The following FANCL variants were observed in gnomAD, a reference collection of about 807,000 sequenced individuals.
FANCL encodes the protein FA complementation group L, also known as E3 ubiquitin-protein ligase FANCL.
In FANCL, 69 loss-of-function variants were observed where a neutral mutation model predicts 59.4. The observed-to-expected ratio is 1.16, with a 90% CI of 0.96 to 1.42. FANCL has a LOEUF of 1.42. FANCL is among the 40% of genes most tolerant of loss of function. The pLI, the probability that FANCL is intolerant of heterozygous loss-of-function variation, is 0.00. For synonymous variants in FANCL, 180 were observed against 147.1 expected (o/e 1.22, Z -1.62); for missense variants, 519 against 447.2 (o/e 1.16, Z -1.45).
chr2:58,238,166 A>AT lies in FANCL; in HGVS notation c.96+3051dup, dbSNP rs547640236. On this transcript the variant is annotated intron_variant, in intron 1 of 13. Coordinates refer to ENST00000233741, the MANE Select transcript of FANCL (RefSeq NM_018062.4). ...TTAAAACATTATGGGATTTTTTGTG[A>AT]TTTTTTTTTAGCTTATCAGCTATCA... Among the ~76,000 whole-genome samples, 366 of 151,558 alleles carry AT rather than the reference A, an allele frequency of 2.4e-3. 1 individual carries two copies. The Middle Eastern group carries it at 0.031, about 13-fold the overall frequency.
chr2:58,231,967 C>G (rs1436012489), intron 2 of FANCL, 87 bp downstream of exon 2: 1 of 1,122,388 alleles, frequency 8.9e-7, no homozygotes, highest in African/African-American at 1.5e-5. Flanking sequence ...AGGCAAAACT[C>G]TAGTCACTAG....
intron 7 of FANCL, among the ~76,000 whole-genome samples, chr2:58,177,789 G>T (rs1462488757): frequency 2.2e-5 from 3 of 138,420 alleles, no homozygotes; most frequent in Non-Finnish European, 4.7e-5. Context: ...AAATAAAAAA[G>T]ATTAAAAAAA....
chr2:58,159,405 A>G lies in FANCL; in HGVS notation c.*360T>C, dbSNP rs755632860. 6.8e-6 allele frequency: 11 copies of G among 1,613,452 alleles called. No homozygotes were observed. In the African/African-American group the frequency reaches 9.3e-5, roughly 14 times the overall value. ...AGTCTCAAGAACCTTTGAATGAAGT[A>G]AACAGTTTCCCACAAAAAATCAGCT... On this transcript the variant is annotated 3_prime_UTR_variant, in exon 14 of 14. Transcript: ENST00000233741.
intron 1 of FANCL, among the ~76,000 whole-genome samples, chr2:58,232,323 T>C (rs1402540024): frequency 1.3e-5 from 2 of 152,134 alleles, no homozygotes; most frequent in Non-Finnish European, 2.9e-5. Flanking sequence ...AACTTTGTAG[T>C]TACTGGGAAA....
At chr2:58,177,365 A>T (rs1440480081) in intron 7 of FANCL, among the ~76,000 whole-genome samples, 1 of 152,162 alleles carries the variant, frequency 6.6e-6, no homozygotes, top group Non-Finnish European at 1.5e-5. Context: ...ACAACAGCAA[A>T]GACTTGGAAC....
At chr2:58,218,987 A>G (rs1466468128) in intron 5 of FANCL, among the ~76,000 whole-genome samples, 1 of 150,640 alleles carries the variant, frequency 6.6e-6, no homozygotes, top group African/African-American at 2.4e-5. Flanking sequence ...ACAACAACAC[A>G]CCAATAGCAA....
intron 7 of FANCL, among the ~76,000 whole-genome samples, chr2:58,191,116 C>T (rs1490700728): frequency 6.6e-6 from 1 of 151,322 alleles, no homozygotes; most frequent in Non-Finnish European, 1.5e-5. Flanking sequence ...TCCAAATTAG[C>T]CCCTGGATTA....
intron 7 of FANCL, among the ~76,000 whole-genome samples, chr2:58,193,877 G>A (rs1422175850): frequency 1.3e-5 from 2 of 152,142 alleles, no homozygotes; most frequent in African/African-American, 2.4e-5. Flanking sequence ...CTGAGGCAAA[G>A]GGCAGTTATG....
intron 7 of FANCL, chr2:58,194,354 A>T: frequency 2.1e-6 from 1 of 467,938 alleles, no homozygotes; most frequent in Non-Finnish European, 4.4e-6. Context: ...CTACAGTCTC[A>T]GTCAAGAGTA....
rs1190194147 is a variant in FANCL at position 58,199,441 on chromosome 2, TA to T, written c.472-780del. Reference sequence around the variant, plus strand: ...ACATGAATACATATAGCTGTCAATTTAAAAAATTATTTTCTATATTAAAGAT... The same window carrying T: ...ACATGAATACATATAGCTGTCAATTTAAAAATTATTTTCTATATTAAAGAT... On this transcript the variant is annotated intron_variant, in intron 6 of 13. Transcript: ENST00000233741. 3.9e-5 allele frequency among the ~76,000 whole-genome samples: 6 copies of T among 152,280 alleles called. 1 individual carries two copies. Among genetic ancestry groups the T allele is most frequent in the African/African-American group, 1.2e-4 (5 of 41,586 alleles).
chr2:58,226,891 T>G, intron 3 of FANCL, 107 bp from the exon 4 acceptor site: 2 of 863,104 alleles, frequency 2.3e-6, no homozygotes, highest in Non-Finnish European at 3.8e-6. Flanking sequence ...AGATTAGCTA[T>G]ATCTACATCT....
At chr2:58,214,613 G>T (rs1021606710) in intron 5 of FANCL, among the ~76,000 whole-genome samples, 1 of 152,056 alleles carries the variant, frequency 6.6e-6, no homozygotes, top group African/African-American at 2.4e-5. Context: ...AGGCTCAAGT[G>T]ATCCTCCCAC....
chr2:58,198,620 G>A lies in FANCL; in HGVS notation c.514C>T (p.Pro172Ser). ...TGAGGTGTCCAGGAGGCACAAAATG[G>A]AACAGGAAAATCCACAAAATAATCT... is the stretch of plus-strand genomic sequence containing the variant. The part of the protein sequence containing the change: ...SPDYFVDFPV[P>S]FCASWTPQSS... The change falls in exon 7 of 14, where the codon CCA (proline) becomes TCA (serine). Residue 172 changes from proline (P) to serine (S), a missense_variant. Coordinates refer to ENST00000233741, the MANE Select transcript of FANCL (RefSeq NM_018062.4). 1.2e-6 allele frequency: 2 copies of A among 1,613,866 alleles called. No homozygotes were observed. The highest frequency in any genetic ancestry group is 1.7e-6 in the Non-Finnish European group (2 of 1,179,868).
chr2:58,176,812 G>A (rs1423674150), intron 7 of FANCL, among the ~76,000 whole-genome samples: 1 of 152,140 alleles, frequency 6.6e-6, no homozygotes, highest in Non-Finnish European at 1.5e-5. Flanking sequence ...CTTCTACACA[G>A]CAAAAGAAAC....
chr2:58,182,725 A>G (rs1233295472), intron 7 of FANCL, among the ~76,000 whole-genome samples: 1 of 151,822 alleles, frequency 6.6e-6, no homozygotes, highest in South Asian at 2.1e-4. Flanking sequence ...GTAAACAAAT[A>G]TTACATAAAT....
At chr2:58,236,553 A>G (rs550257348) in intron 1 of FANCL, among the ~76,000 whole-genome samples, 1 of 151,972 alleles carries the variant, frequency 6.6e-6, no homozygotes, top group African/African-American at 2.4e-5. Flanking sequence ...TATAAAATAC[A>G]GAAAAATACC....
At chr2:58,182,203 C>T (rs1348604646) in intron 7 of FANCL, among the ~76,000 whole-genome samples, 1 of 151,750 alleles carries the variant, frequency 6.6e-6, no homozygotes, top group Non-Finnish European at 1.5e-5. Flanking sequence ...CAATGAAAAT[C>T]GTACTGGAAT....
intron 5 of FANCL, among the ~76,000 whole-genome samples, chr2:58,212,377 G>A (rs1338627661): frequency 6.6e-6 from 1 of 152,120 alleles, no homozygotes; most frequent in African/African-American, 2.4e-5. Flanking sequence ...GCAACACATG[G>A]GAATTGTGGG....
intron 1 of FANCL, among the ~76,000 whole-genome samples, chr2:58,237,964 A>G (rs1694175589): frequency 6.6e-6 from 1 of 152,206 alleles, no homozygotes; most frequent in South Asian, 2.1e-4. Context: ...GCAACACTAT[A>G]AAGATCCATG....
Sources: gnomAD v4.1 joint callset for allele counts (sites outside exome capture counted in the v4.1 genomes callset) on GRCh38, gnomAD v4.1.1 for gene constraint, MANE v1.5 for transcripts, NCBI Gene and HGNC (gene_info 2026-07-23, HGNC 2026-07-21) for gene names.